The following RGS7 variants were observed in gnomAD, a reference collection of about 807,000 sequenced individuals.
RGS7 encodes regulator of G-protein signaling 7.
Under a neutral mutation model 81.1 loss-of-function variants are expected in RGS7, and 27 were observed. The observed-to-expected ratio is 0.33, with a 90% CI of 0.25 to 0.46. The LOEUF is 0.46. Ranked by LOEUF, RGS7 falls within the 20% of genes least tolerant of loss-of-function variation. The pLI, the probability that RGS7 is intolerant of heterozygous loss-of-function variation, is 1.00. For missense variants in RGS7, 396 were observed against 607.4 expected, an observed-to-expected ratio of 0.65 and a Z score of 3.66; for synonymous variants, 208 against 207.7, an observed-to-expected ratio of 1.00 and a Z score of -0.01.
chr1:240,919,496 A>T (rs77382511), intron 6 of RGS7, among the ~76,000 whole-genome samples: 4,316 of 152,306 alleles, frequency 0.028, 77 homozygotes, highest in Non-Finnish European at 0.044. Context: ...CAATACATGC[A>T]GAGAAATCAT....
At chr1:241,132,058 G>A (rs896643537) in intron 2 of RGS7, among the ~76,000 whole-genome samples, 1 of 152,236 alleles carries the variant, frequency 6.6e-6, no homozygotes, top group South Asian at 2.1e-4. Context: ...GGTATGTCTC[G>A]CAAAGGACCG....
intron 3 of RGS7, among the ~76,000 whole-genome samples, chr1:241,061,987 A>C (rs1249435323): frequency 6.6e-6 from 1 of 152,190 alleles, no homozygotes. Flanking sequence ...AATAAGGCTA[A>C]TTTGCTCATG....
chr1:241,046,211 G>C (rs76884246), intron 3 of RGS7, among the ~76,000 whole-genome samples: 1 of 151,930 alleles, frequency 6.6e-6, no homozygotes, highest in South Asian at 2.1e-4. Flanking sequence ...TTGTTACGTG[G>C]GTATATTGCA....
At chr1:240,898,216 A>C (rs1669412069) in intron 6 of RGS7, among the ~76,000 whole-genome samples, 2 of 151,964 alleles carry the variant, frequency 1.3e-5, no homozygotes, top group African/African-American at 4.8e-5. Context: ...AATTTTGTTG[A>C]TCTTTTCAAA....
At chr1:241,130,091 T>A (rs2103034132) in intron 2 of RGS7, among the ~76,000 whole-genome samples, 1 of 152,264 alleles carries the variant, frequency 6.6e-6, no homozygotes, top group South Asian at 2.1e-4. Context: ...AGCAAGTGCA[T>A]CCTTCAGATT....
intron 9 of RGS7, among the ~76,000 whole-genome samples, chr1:240,862,240 T>C (rs2147988063): frequency 6.6e-6 from 1 of 152,290 alleles, no homozygotes; most frequent in East Asian, 1.9e-4. Flanking sequence ...TCTGTGTCAA[T>C]CCGACCTAAA....
At chr1:241,018,788 AT>A (rs903881986) in intron 3 of RGS7, among the ~76,000 whole-genome samples, 1 of 151,910 alleles carries the variant, frequency 6.6e-6, no homozygotes, top group African/African-American at 2.4e-5. Flanking sequence ...CCCTACTTCC[AT>A]TCATCGCTTC....
At chr1:241,353,404 C>G (rs1416462162) in intron 2 of RGS7, among the ~76,000 whole-genome samples, 1 of 152,168 alleles carries the variant, frequency 6.6e-6, no homozygotes, top group African/African-American at 2.4e-5. Context: ...CAGATAAAGA[C>G]CATTTGACCT....
At chr1:241,286,905 C>G (rs1229097705) in intron 2 of RGS7, among the ~76,000 whole-genome samples, 1 of 152,194 alleles carries the variant, frequency 6.6e-6, no homozygotes, top group Non-Finnish European at 1.5e-5. Flanking sequence ...AGGGCCAAAT[C>G]CCTGCAAAGA....
intron 4 of RGS7, among the ~76,000 whole-genome samples, chr1:240,973,502 T>C (rs1683576642): frequency 7.1e-6 from 1 of 141,380 alleles, no homozygotes; most frequent in African/African-American, 2.5e-5. Flanking sequence ...AGAGCAAGAC[T>C]GACTCTCAAA....
At chr1:241,100,339 C>A (rs1298934592) in intron 2 of RGS7, among the ~76,000 whole-genome samples, 1 of 139,676 alleles carries the variant, frequency 7.2e-6, no homozygotes, top group African/African-American at 2.8e-5. Context: ...GGCGCCACTG[C>A]ACTCCAGCCT....
chr1:241,146,014 C>T (rs537479924), intron 2 of RGS7, among the ~76,000 whole-genome samples: 3 of 152,058 alleles, frequency 2.0e-5, no homozygotes, highest in East Asian at 1.9e-4. Context: ...AAAAATAAAC[C>T]GTTTTTTATC....
intron 2 of RGS7, among the ~76,000 whole-genome samples, chr1:241,130,927 C>CAAAAAAAAAA (rs11365447): frequency 2.2e-5 from 2 of 90,178 alleles, no homozygotes; most frequent in African/African-American, 7.5e-5. Context: ...GGCTTAATTA[C>CAAAAAAAAAA]AAAAAAAAAA....
At chr1:241,346,303 T>A (rs2082892794) in intron 2 of RGS7, among the ~76,000 whole-genome samples, 1 of 152,122 alleles carries the variant, frequency 6.6e-6, no homozygotes, top group Admixed American at 6.5e-5. Context: ...TTTGCCATGG[T>A]AAATAAGCTC....
At chr1:240,880,513 T>G (rs962122547) in intron 6 of RGS7, among the ~76,000 whole-genome samples, 1 of 152,200 alleles carries the variant, frequency 6.6e-6, no homozygotes, top group African/African-American at 2.4e-5. Flanking sequence ...ATTGCTCTCC[T>G]CCCAGTGTCT....
At chr1:240,819,685 C>A (rs1691437924) in intron 10 of RGS7, among the ~76,000 whole-genome samples, 1 of 152,190 alleles carries the variant, frequency 6.6e-6, no homozygotes, top group Non-Finnish European at 1.5e-5. Flanking sequence ...CTGCAGTGAG[C>A]CAAGATCGCA....
At chr1:240,798,437 C>T (rs1181603478) in intron 18 of RGS7, among the ~76,000 whole-genome samples, 1 of 152,038 alleles carries the variant, frequency 6.6e-6, no homozygotes, top group African/African-American at 2.4e-5. Context: ...AAAATAGGCA[C>T]GCATTGGAAA....
chr1:241,344,062 T>C (rs2082734995), intron 2 of RGS7, among the ~76,000 whole-genome samples: 1 of 152,184 alleles, frequency 6.6e-6, no homozygotes, highest in Non-Finnish European at 1.5e-5. Flanking sequence ...AAAAAATTTA[T>C]ATCCTAAATG....
At chr1:240,914,347 C>T (rs545419127) in intron 6 of RGS7, among the ~76,000 whole-genome samples, 1 of 152,066 alleles carries the variant, frequency 6.6e-6, no homozygotes, top group Non-Finnish European at 1.5e-5. Flanking sequence ...TTTATTCATG[C>T]CCTGCCAATT....
Sources: allele counts gnomAD v4.1 joint callset (sites outside exome capture counted in the v4.1 genomes callset), GRCh38; gene constraint gnomAD v4.1.1; transcripts MANE v1.5; gene names NCBI Gene and HGNC (gene_info 2026-07-23, HGNC 2026-07-21).